The following SLC22A24 variants were observed in gnomAD, a reference collection of about 807,000 sequenced individuals.
The protein encoded by SLC22A24 is solute carrier family 22 member 24.
In SLC22A24, 53 loss-of-function variants were observed where a neutral mutation model predicts 49.8. That is an observed-to-expected ratio of 1.06 (90% CI 0.85 to 1.34). SLC22A24 has a LOEUF of 1.34. Among genes scored for constraint, SLC22A24 ranks in the 40% most tolerant of loss-of-function variants. SLC22A24 has a pLI of 0.00. For synonymous variants in SLC22A24, 302 were observed against 256.4 expected (o/e 1.18, Z -1.70); for missense variants, 786 against 675.9 (o/e 1.16, Z -1.81).
chr11:63,098,976 A>G (rs560624030), intron 5 of SLC22A24, among the ~76,000 whole-genome samples: 2 of 152,280 alleles, frequency 1.3e-5, no homozygotes, highest in African/African-American at 2.4e-5. Context: ...AAAGGCTGGT[A>G]TGAGCAACAG....
chr11:63,140,676 T>A (rs2087409288), intron 1 of SLC22A24, among the ~76,000 whole-genome samples: 1 of 152,178 alleles, frequency 6.6e-6, no homozygotes, highest in Admixed American at 6.5e-5. Context: ...CTTATCAGGT[T>A]TTTCACTAAA....
chr11:63,130,906 T>C (rs568946537), intron 2 of SLC22A24, among the ~76,000 whole-genome samples: 18 of 152,238 alleles, frequency 1.2e-4, no homozygotes, highest in African/African-American at 4.3e-4. Flanking sequence ...TGTGTGGTAG[T>C]CTAAGTCTTT....
intron 2 of SLC22A24, among the ~76,000 whole-genome samples, chr11:63,129,023 T>C (rs928033730): frequency 6.6e-6 from 1 of 152,226 alleles, no homozygotes; most frequent in Non-Finnish European, 1.5e-5. Context: ...TGCCATTGTT[T>C]TGGTGTTTTA....
chr11:63,138,841 T>C (rs1172322357), intron 1 of SLC22A24, among the ~76,000 whole-genome samples: 1 of 151,124 alleles, frequency 6.6e-6, no homozygotes, highest in African/African-American at 2.4e-5. Context: ...TAATAAGGTT[T>C]TTTCCCCCCC....
At chr11:63,142,768 C>T (rs1417970505) in intron 1 of SLC22A24, among the ~76,000 whole-genome samples, 1 of 152,074 alleles carries the variant, frequency 6.6e-6, no homozygotes, top group African/African-American at 2.4e-5. Flanking sequence ...AAGAAGGCAG[C>T]TTTGACTCCC....
chr11:63,123,926 G>T (rs1340685508), intron 2 of SLC22A24, among the ~76,000 whole-genome samples: 3 of 151,986 alleles, frequency 2.0e-5, no homozygotes, highest in Middle Eastern at 3.2e-3. Flanking sequence ...TCTTTAAAAA[G>T]GTTTTATTGT....
intron 4 of SLC22A24, among the ~76,000 whole-genome samples, chr11:63,113,193 T>TATATATAC (rs1565332301): frequency 1.7e-3 from 9 of 5,452 alleles, no homozygotes; most frequent in Admixed American, 5.2e-3. Flanking sequence ...TATATACACA[T>TATATATAC]ATATATATAC....
intron 8 of SLC22A24, 35 bp downstream of exon 8, chr11:63,081,521 TTG>T: frequency 1.4e-6 from 2 of 1,393,896 alleles, no homozygotes; most frequent in Admixed American, 4.0e-5. Flanking sequence ...ATTCAGAAAT[TTG>T]TGTTTTGAAA....
At chr11:63,101,762 G>T (rs7129775) in intron 5 of SLC22A24, among the ~76,000 whole-genome samples, 75,825 of 151,816 alleles carry the variant, frequency 0.5, 19,080 homozygotes, top group East Asian at 0.54. Context: ...GCCATAAAAA[G>T]AATGAGATTC....
At chr11:63,124,048 G>C (rs1374614965) in intron 2 of SLC22A24, among the ~76,000 whole-genome samples, 1 of 152,142 alleles carries the variant, frequency 6.6e-6, no homozygotes, top group Admixed American at 6.6e-5. Flanking sequence ...ATTTAAATTT[G>C]AGTAAACAGA....
intron 1 of SLC22A24, among the ~76,000 whole-genome samples, chr11:63,136,456 A>G (rs1317929906): frequency 6.6e-6 from 1 of 152,222 alleles, no homozygotes; most frequent in African/African-American, 2.4e-5. Flanking sequence ...CATACAACCA[A>G]TGCTTCAAAA....
At chr11:63,110,285 G>A (rs1187667014) in intron 4 of SLC22A24, among the ~76,000 whole-genome samples, 1 of 152,154 alleles carries the variant, frequency 6.6e-6, no homozygotes, top group South Asian at 2.1e-4. Context: ...GTAGCATGAT[G>A]CCTCTGGCTT....
chr11:63,096,242 C>A, intron 5 of SLC22A24, 136 bp from the exon 6 acceptor site: 1 of 582,538 alleles, frequency 1.7e-6, no homozygotes, highest in Non-Finnish European at 3.1e-6. Context: ...GGAATATGAG[C>A]ATTAAATAAT....
chr11:63,136,596 G>A (rs952510905), intron 1 of SLC22A24, among the ~76,000 whole-genome samples: 2 of 152,122 alleles, frequency 1.3e-5, no homozygotes, highest in Non-Finnish European at 2.9e-5. Context: ...ATAAAACTCC[G>A]GTCTCCTGCA....
At chr11:63,142,011 C>T (rs1476371328) in intron 1 of SLC22A24, among the ~76,000 whole-genome samples, 1 of 152,130 alleles carries the variant, frequency 6.6e-6, no homozygotes, top group Non-Finnish European at 1.5e-5. Context: ...TAGAAGGCCC[C>T]AGACAAATGC....
chr11:63,095,945 T>C (rs1320700034), intron 6 of SLC22A24, 46 bp downstream of exon 6: 1 of 1,316,068 alleles, frequency 7.6e-7, no homozygotes, highest in East Asian at 2.5e-5. Context: ...GAAACAGTTT[T>C]GTGTCTCCAA....
chr11:63,143,160 A>G (rs548235421), intron 1 of SLC22A24, among the ~76,000 whole-genome samples: 1 of 152,322 alleles, frequency 6.6e-6, no homozygotes, highest in Admixed American at 6.5e-5. Flanking sequence ...TCATGGTCTA[A>G]TACCACAATT....
intron 4 of SLC22A24, among the ~76,000 whole-genome samples, chr11:63,110,405 G>C (rs2087154439): frequency 6.6e-6 from 1 of 151,812 alleles, no homozygotes; most frequent in Non-Finnish European, 1.5e-5. Flanking sequence ...GTAGCTTGAT[G>C]GGGATGGCAT....
chr11:63,134,528 C>T, intron 2 of SLC22A24, 137 bp downstream of exon 2: 1 of 570,364 alleles, frequency 1.8e-6, no homozygotes, highest in Non-Finnish European at 3.1e-6. Flanking sequence ...TCAGCTGTAG[C>T]TTCCTGGAGT....
Sources: gnomAD v4.1 joint callset for allele counts (sites outside exome capture counted in the v4.1 genomes callset) on GRCh38, gnomAD v4.1.1 for gene constraint, MANE v1.5 for transcripts, NCBI Gene and HGNC (gene_info 2026-07-23, HGNC 2026-07-21) for gene names.